Variants in CAMK2D observed in about 807,000 individuals in gnomAD.
CAMK2D encodes the protein calcium/calmodulin dependent protein kinase II delta.
Under a neutral mutation model 84.0 loss-of-function variants are expected in CAMK2D, and 37 were observed. The ratio of observed to expected loss-of-function variants is 0.44; its 90% CI spans 0.34 to 0.58. The LOEUF is 0.58. Among genes scored for constraint, CAMK2D ranks in the 20% least tolerant of loss-of-function variants. The probability of loss-of-function intolerance (pLI) is 0.02; values close to 1 mark genes in which losing one functional copy is unlikely to be tolerated. For missense variants in CAMK2D, 448 were observed against 652.5 expected (o/e 0.69, Z 3.41); for synonymous variants, 202 against 212.5 (o/e 0.95, Z 0.43).
chr4:113,514,141 G>A (rs189630232), intron 10 of CAMK2D, among the ~76,000 whole-genome samples: 11 of 152,326 alleles, frequency 7.2e-5, no homozygotes, highest in African/African-American at 2.4e-4. Flanking sequence ...TGGGCCGGGC[G>A]CGGTGGGTCA....
chr4:113,527,260 A>G (rs1055069486), intron 8 of CAMK2D, among the ~76,000 whole-genome samples: 4 of 143,216 alleles, frequency 2.8e-5, no homozygotes, highest in Admixed American at 1.4e-4. Context: ...TTAGCAATAC[A>G]GTTTTTTTTT....
chr4:113,611,729 G>T (rs1358552258), intron 3 of CAMK2D, among the ~76,000 whole-genome samples: 1 of 119,076 alleles, frequency 8.4e-6, no homozygotes, highest in Non-Finnish European at 2.0e-5. Flanking sequence ...AACAAGTCAG[G>T]AGTTACTGTT....
intron 2 of CAMK2D, among the ~76,000 whole-genome samples, chr4:113,738,072 T>C (rs1413224478): frequency 2.0e-5 from 3 of 152,124 alleles, no homozygotes. Flanking sequence ...CACAATAAGT[T>C]AACCAAATTG....
At chr4:113,611,654 T>C (rs1232611807) in intron 3 of CAMK2D, among the ~76,000 whole-genome samples, 1 of 152,208 alleles carries the variant, frequency 6.6e-6, no homozygotes, top group Non-Finnish European at 1.5e-5. Context: ...CTTAAAATTA[T>C]TTCCATTCAC....
At position 113,609,130 on chromosome 4, in the gene CAMK2D, T is replaced by C. The variant is rs766349927; in HGVS notation, c.275+22A>G. On this transcript the variant is annotated intron_variant, in intron 4 of 20. Transcript: ENST00000511664. ...GTCCTCAATTAGATTGCAAAAATAA[T>C]GAATACAGAGTATATACTTACAAAT... is the stretch of plus-strand genomic sequence containing the variant. 5 of 1,363,044 alleles carry C rather than the reference T, an allele frequency of 3.7e-6. No individual in the cohort carries two copies. In the East Asian group the frequency reaches 6.9e-5, roughly 19 times the overall value. 84.4% of individuals were successfully genotyped at this position (1,363,044 alleles called of 1,614,324 possible).
chr4:113,655,997 C>A (rs145750712), intron 3 of CAMK2D, among the ~76,000 whole-genome samples: 4 of 152,220 alleles, frequency 2.6e-5, no homozygotes, highest in African/African-American at 9.6e-5. Flanking sequence ...TATTTTATTT[C>A]AATACCTGAA....
At chr4:113,638,126 G>T (rs1387276522) in intron 3 of CAMK2D, among the ~76,000 whole-genome samples, 1 of 152,180 alleles carries the variant, frequency 6.6e-6, no homozygotes, top group African/African-American at 2.4e-5. Flanking sequence ...AGCTAACAGT[G>T]CACTCAAATA....
At chr4:113,740,894 C>T (rs572257287) in intron 2 of CAMK2D, among the ~76,000 whole-genome samples, 1 of 152,272 alleles carries the variant, frequency 6.6e-6, no homozygotes, top group African/African-American at 2.4e-5. Context: ...CAACCACCAT[C>T]CAAAACTGTT....
Position 113,761,560 on chromosome 4 carries a change from G to A in CAMK2D, c.-492C>T, listed in dbSNP as rs2099641467. 1.0e-6 allele frequency: 1 copy of A among 985,706 alleles called. No individual in the cohort carries two copies. The highest frequency in any genetic ancestry group is 1.2e-6 in the Non-Finnish European group (1 of 830,126). 61.1% of individuals were successfully genotyped at this position (985,706 alleles called of 1,614,324 possible). The stretch of plus-strand genomic sequence containing the variant: ...GCGGAGCCCAGAGCGGACAGCCTGA[G>A]CCCAGCGGCCGCTGTCAGCAGGCTC... On this transcript the variant is annotated 5_prime_UTR_variant, in exon 1 of 21. Transcript: ENST00000511664.
At chr4:113,652,550 A>C (rs553004246) in intron 3 of CAMK2D, among the ~76,000 whole-genome samples, 162 of 152,240 alleles carry the variant, frequency 1.1e-3, no homozygotes, top group Middle Eastern at 3.4e-3. Context: ...GACATGAGTT[A>C]TTCTTCCCCA....
rs184581112 is a variant in CAMK2D, at chr4:113,624,193, C to T, written c.221-14987G>A. 2.2e-3 allele frequency among the ~76,000 whole-genome samples: 339 copies of T among 152,138 alleles called. 3 individuals are homozygous for T. Among genetic ancestry groups the T allele is most frequent in the African/African-American group, 7.5e-3 (312 of 41,482 alleles). On this transcript the variant is annotated intron_variant, in intron 3 of 20. Transcript: ENST00000511664. ...TCAGTCAATCTTGAATAAGTTTAAC[C>T]GCCTTGGAAGTAATACATCCTAAGA...
At chr4:113,689,717 T>G (rs893462188) in intron 2 of CAMK2D, among the ~76,000 whole-genome samples, 1 of 152,162 alleles carries the variant, frequency 6.6e-6, no homozygotes, top group Admixed American at 6.5e-5. Flanking sequence ...CCCACTATCA[T>G]TTTATTGATT....
intron 3 of CAMK2D, among the ~76,000 whole-genome samples, chr4:113,648,095 C>T (rs1347180546): frequency 6.6e-6 from 1 of 152,126 alleles, no homozygotes; most frequent in Non-Finnish European, 1.5e-5. Context: ...AGTCTTCCTA[C>T]TTTTCTAAGA....
chr4:113,609,210 G>GA lies in CAMK2D; in HGVS notation c.221-5dup. On this transcript the variant is annotated splice_region_variant and splice_polypyrimidine_tract_variant and intron_variant, in intron 3 of 20. Coordinates refer to ENST00000511664, the MANE Select transcript of CAMK2D (RefSeq NM_001321571.2). ...GATATGCTATCATGAAGTCGCACTA[G>GA]AAAAAAATAAGAGAAGAAAAATTGT... 12 of 1,560,640 alleles carry GA rather than the reference G, an allele frequency of 7.7e-6. No individual in the cohort carries two copies. Among genetic ancestry groups the GA allele is most frequent in the Non-Finnish European group, 9.7e-6 (11 of 1,131,854 alleles).
chr4:113,646,083 T>G (rs1196358530), intron 3 of CAMK2D, among the ~76,000 whole-genome samples: 2 of 152,208 alleles, frequency 1.3e-5, no homozygotes, highest in Non-Finnish European at 2.9e-5. Context: ...TCTTTAGGTG[T>G]GGGCCAGCCC....
At chr4:113,747,531 T>A (rs1335571785) in intron 2 of CAMK2D, among the ~76,000 whole-genome samples, 1 of 152,122 alleles carries the variant, frequency 6.6e-6, no homozygotes, top group African/African-American at 2.4e-5. Flanking sequence ...ATCTTAGTTT[T>A]GGATTTGAGC....
chr4:113,649,774 T>G (rs572778185), intron 3 of CAMK2D, among the ~76,000 whole-genome samples: 3 of 152,190 alleles, frequency 2.0e-5, no homozygotes, highest in Non-Finnish European at 4.4e-5. Flanking sequence ...TCAATCAAGC[T>G]TAACCATTAG....
At chr4:113,731,726 C>T (rs1010160490) in intron 2 of CAMK2D, among the ~76,000 whole-genome samples, 1 of 152,004 alleles carries the variant, frequency 6.6e-6, no homozygotes, top group Non-Finnish European at 1.5e-5. Context: ...GGTGGGACTA[C>T]AGGCGCGCGC....
chr4:113,486,812 T>A (rs2097769973), intron 16 of CAMK2D, among the ~76,000 whole-genome samples: 1 of 152,194 alleles, frequency 6.6e-6, no homozygotes, highest in South Asian at 2.1e-4. Context: ...GTGCTATTGA[T>A]CACGATTCAC....
Sources: allele counts gnomAD v4.1 joint callset (sites outside exome capture counted in the v4.1 genomes callset), GRCh38; gene constraint gnomAD v4.1.1; transcripts MANE v1.5; gene names NCBI Gene and HGNC (gene_info 2026-07-23, HGNC 2026-07-21).